The following CDH13 variants were observed in gnomAD, a reference collection of about 807,000 sequenced individuals.
CDH13 encodes cadherin 13.
CDH13 carries 24 observed loss-of-function variants against 63.8 expected under a neutral mutation model. That is an observed-to-expected ratio of 0.38 (90% CI 0.27 to 0.53). CDH13 has a LOEUF of 0.53. Among genes scored for constraint, CDH13 ranks in the 20% least tolerant of loss-of-function variants. The pLI, the probability that CDH13 is intolerant of heterozygous loss-of-function variation, is 0.85. For missense variants in CDH13, 1,049 were observed against 903.1 expected (o/e 1.16, Z -2.07); for synonymous variants, 503 against 355.3 (o/e 1.42, Z -4.67).
intron 3 of CDH13, among the ~76,000 whole-genome samples, chr16:83,106,135 C>G (rs958170504): frequency 2.6e-5 from 4 of 152,338 alleles, no homozygotes; most frequent in South Asian, 2.1e-4. Context: ...TTTTGCTAAT[C>G]TATTCTAAGG....
intron 1 of CDH13, among the ~76,000 whole-genome samples, chr16:82,639,144 C>G (rs1343476713): frequency 1.3e-5 from 2 of 152,258 alleles, no homozygotes; most frequent in South Asian, 2.1e-4. Context: ...TCCCACTCCC[C>G]TCATTATATA....
At chr16:82,803,789 A>G (rs2036995844) in intron 1 of CDH13, among the ~76,000 whole-genome samples, 1 of 152,216 alleles carries the variant, frequency 6.6e-6, no homozygotes, top group Non-Finnish European at 1.5e-5. Context: ...TAATAGAAGC[A>G]GAGTAGAATG....
chr16:83,450,746 T>G (rs1200792637), intron 6 of CDH13, among the ~76,000 whole-genome samples: 2 of 152,180 alleles, frequency 1.3e-5, no homozygotes, highest in Non-Finnish European at 2.9e-5. Flanking sequence ...GGAGGGCGCC[T>G]GTAGTCCCAG....
At chr16:83,773,744 G>A (rs761668992) in intron 11 of CDH13, among the ~76,000 whole-genome samples, 14 of 152,150 alleles carry the variant, frequency 9.2e-5, no homozygotes, top group Non-Finnish European at 1.9e-4. Context: ...TCCTTAGGAG[G>A]TAAGGAAGTT....
intron 6 of CDH13, among the ~76,000 whole-genome samples, chr16:83,384,211 T>C (rs1046176064): frequency 6.6e-6 from 1 of 152,162 alleles, no homozygotes; most frequent in Non-Finnish European, 1.5e-5. Flanking sequence ...GTGAGAAACC[T>C]ATTATTATTC....
intron 11 of CDH13, among the ~76,000 whole-genome samples, chr16:83,765,563 CAAAG>C (rs1364021490): frequency 3.3e-5 from 3 of 89,914 alleles, no homozygotes; most frequent in Admixed American, 1.4e-4. Flanking sequence ...TACACACACA[CAAAG>C]AGAGAGAGAG....
chr16:83,461,233 C>G (rs1163505148), intron 6 of CDH13, among the ~76,000 whole-genome samples: 1 of 151,934 alleles, frequency 6.6e-6, no homozygotes, highest in Non-Finnish European at 1.5e-5. Context: ...TGTATATGTA[C>G]ATATTCCTAT....
intron 2 of CDH13, among the ~76,000 whole-genome samples, chr16:82,924,949 T>C (rs2042259448): frequency 6.6e-6 from 1 of 152,340 alleles, no homozygotes; most frequent in African/African-American, 2.4e-5. Context: ...AATAGATGTT[T>C]ATTTTTTCCT....
intron 10 of CDH13, among the ~76,000 whole-genome samples, chr16:83,682,501 G>C (rs1915488784): frequency 6.6e-6 from 1 of 152,156 alleles, no homozygotes; most frequent in African/African-American, 2.4e-5. Context: ...GTTCTGTAGA[G>C]GGGAAAGTCG....
At chr16:82,799,481 C>T (rs1209827104) in intron 1 of CDH13, among the ~76,000 whole-genome samples, 3 of 152,200 alleles carry the variant, frequency 2.0e-5, no homozygotes, top group Admixed American at 6.5e-5. Context: ...AGAAGCAGCT[C>T]ATCGTTAAGG....
chr16:83,517,427 A>T (rs1598204257), intron 7 of CDH13, among the ~76,000 whole-genome samples: 1 of 152,316 alleles, frequency 6.6e-6, no homozygotes, highest in African/African-American at 2.4e-5. Flanking sequence ...CCACGTAGTC[A>T]TTAAGGGATC....
intron 5 of CDH13, among the ~76,000 whole-genome samples, chr16:83,234,359 A>G (rs2040086089): frequency 6.6e-6 from 1 of 152,196 alleles, no homozygotes; most frequent in South Asian, 2.1e-4. Flanking sequence ...GCTCCTTTCC[A>G]TTCGTTGCTT....
At chr16:83,240,349 A>C (rs1292131909) in intron 5 of CDH13, among the ~76,000 whole-genome samples, 2 of 152,012 alleles carry the variant, frequency 1.3e-5, no homozygotes, top group Admixed American at 1.3e-4. Flanking sequence ...GGAAGCACTG[A>C]AGGTTTTGGA....
At chr16:83,735,207 G>T (rs1425228938) in intron 10 of CDH13, 4 of 152,138 alleles carry the variant, frequency 2.6e-5, no homozygotes, top group African/African-American at 4.8e-5. Flanking sequence ...TTCACCTTGT[G>T]CTCAGCTTAT....
At chr16:82,739,996 A>G (rs1386279842) in intron 1 of CDH13, among the ~76,000 whole-genome samples, 3 of 152,222 alleles carry the variant, frequency 2.0e-5, no homozygotes, top group African/African-American at 7.2e-5. Context: ...AGTGAAAGCA[A>G]AATACCACCT....
chr16:83,341,436 G>T (rs896285134), intron 5 of CDH13, among the ~76,000 whole-genome samples: 1 of 152,294 alleles, frequency 6.6e-6, no homozygotes, highest in African/African-American at 2.4e-5. Context: ...GTATGTGATT[G>T]GGTGGATAAG....
At chr16:83,206,161 C>G (rs367827561) in intron 4 of CDH13, among the ~76,000 whole-genome samples, 36 of 152,254 alleles carry the variant, frequency 2.4e-4, no homozygotes, top group African/African-American at 8.7e-4. Flanking sequence ...CTTTCGGCAG[C>G]TTTTCCCTTC....
chr16:82,941,212 G>T (rs748370738), intron 2 of CDH13, among the ~76,000 whole-genome samples: 1 of 151,972 alleles, frequency 6.6e-6, no homozygotes. Flanking sequence ...GAATATTTTG[G>T]GGCTCCTATA....
chr16:83,693,890 C>A (rs181561239), intron 10 of CDH13, among the ~76,000 whole-genome samples: 10 of 152,314 alleles, frequency 6.6e-5, no homozygotes, highest in Admixed American at 6.5e-4. Flanking sequence ...TGTAGATACT[C>A]TGTCACCCAA....
Sources: allele counts gnomAD v4.1 joint callset (sites outside exome capture counted in the v4.1 genomes callset), GRCh38; gene constraint gnomAD v4.1.1; transcripts MANE v1.5; gene names NCBI Gene and HGNC (gene_info 2026-07-23, HGNC 2026-07-21).